USP34: variants seen among roughly 807,000 people sequenced by gnomAD.
USP34 encodes ubiquitin carboxyl-terminal hydrolase 34.
Under a neutral mutation model 460.3 loss-of-function variants are expected in USP34, and 70 were observed. The ratio of observed to expected loss-of-function variants is 0.15; its 90% CI spans 0.13 to 0.19. The LOEUF (loss-of-function observed/expected upper bound fraction) is 0.19. Ranked by LOEUF, USP34 falls within the 10% of genes least tolerant of loss-of-function variation. The probability of loss-of-function intolerance (pLI) is 1.00; values close to 1 mark genes in which losing one functional copy is unlikely to be tolerated. For synonymous variants in USP34, 1,647 were observed against 1,405.3 expected, an observed-to-expected ratio of 1.17 and a Z score of -3.85; for missense variants, 3,985 against 4,236.2, an observed-to-expected ratio of 0.94 and a Z score of 1.65.
At position 61,214,661 on chromosome 2, in the gene USP34, C is replaced by T; in HGVS notation, c.8081G>A (p.Ser2694Asn). 6.2e-7 allele frequency: 1 copy of T among 1,614,134 alleles called. No homozygotes were observed. The highest frequency in any genetic ancestry group is 1.1e-5 in the South Asian group (1 of 91,084). Residue 2694 changes from serine to asparagine, a missense_variant, in exon 68 of 80, where the codon AGC becomes AAC. By Grantham distance (46) the Ser-to-Asn change is conservative. Coordinates refer to ENST00000398571, the MANE Select transcript of USP34 (RefSeq NM_014709.4). ...AAYLLVSLIPSNSFRQMFRST... is the reference protein window; with the variant it reads ...AAYLLVSLIPNNSFRQMFRST... ...CCGGAACATCTGACGGAATGAATTG[C>T]TTGGTATAAGGGACACCAGAAGATA...
At chr2:61,365,377 A>G (rs56155430) in intron 10 of USP34, among the ~76,000 whole-genome samples, 1,623 of 152,258 alleles carry the variant, frequency 0.011, 16 homozygotes, top group Non-Finnish European at 0.018. Context: ...TCAGAACAAA[A>G]CAGAACACAA....
At chr2:61,452,728 A>G (rs1208635445) in intron 1 of USP34, among the ~76,000 whole-genome samples, 7 of 151,998 alleles carry the variant, frequency 4.6e-5, no homozygotes, top group South Asian at 4.1e-4. Flanking sequence ...CACCAAAAAA[A>G]AAAACAAAAG....
At chr2:61,395,299 TATAAAA>T in intron 3 of USP34, 66 bp from the exon 4 acceptor site, 1 of 969,608 alleles carries the variant, frequency 1.0e-6, no homozygotes, top group Non-Finnish European at 1.6e-6. Flanking sequence ...AATACAATTC[TATAAAA>T]GACTGATTTT....
At chr2:61,278,544 T>C in intron 39 of USP34, 101 bp from the exon 40 acceptor site, 1 of 881,674 alleles carries the variant, frequency 1.1e-6, no homozygotes, top group Non-Finnish European at 1.7e-6. Context: ...AATAATTTAG[T>C]TCTCCCAAAT....
rs140821579 is a variant in USP34 at position 61,456,752 on chromosome 2, C to T, written c.43+13898G>A. On this transcript the variant is annotated intron_variant, in intron 1 of 79. Transcript: ENST00000398571. ...AGGATAGTTTGAGCCCAGGAGTTCA[C>T]GACCAGCCTGGGCAACACAGTGGGA... Among the ~76,000 whole-genome samples the T allele has an allele frequency of 5.7e-3, 857 of 150,520 alleles. 8 individuals are homozygous for T. Among genetic ancestry groups the T allele is most frequent in the African/African-American group, 0.019 (780 of 40,958 alleles).
intron 33 of USP34, among the ~76,000 whole-genome samples, chr2:61,290,155 A>G (rs551012800): frequency 1.1e-3 from 166 of 152,292 alleles, no homozygotes; most frequent in African/African-American, 3.1e-3. Flanking sequence ...GTGAGCTAAC[A>G]CTACTATACC....
intron 1 of USP34, among the ~76,000 whole-genome samples, chr2:61,454,040 G>T (rs114711500): frequency 6.6e-6 from 1 of 152,078 alleles, no homozygotes. Context: ...AAGACAGCTA[G>T]ATTTATATAA....
At chr2:61,213,822 G>T (rs535252210) in intron 68 of USP34, among the ~76,000 whole-genome samples, 1 of 152,050 alleles carries the variant, frequency 6.6e-6, no homozygotes, top group African/African-American at 2.4e-5. Context: ...TTAAAAAACA[G>T]GTAAGTTTTA....
At chr2:61,215,338 T>C (rs1372916464) in intron 67 of USP34, among the ~76,000 whole-genome samples, 5 of 152,114 alleles carry the variant, frequency 3.3e-5, no homozygotes, top group Admixed American at 6.6e-5. Context: ...ATTTAAGTTA[T>C]AAAGAAAGAA....
intron 3 of USP34, among the ~76,000 whole-genome samples, chr2:61,398,744 A>C (rs888179591): frequency 1.3e-5 from 2 of 152,226 alleles, no homozygotes; most frequent in African/African-American, 2.4e-5. Context: ...TTTAAGTTAC[A>C]CTGCTGAAAT....
intron 74 of USP34, 76 bp from the exon 75 acceptor site, chr2:61,203,339 T>C (rs1687027593): frequency 7.6e-7 from 1 of 1,310,098 alleles, no homozygotes; most frequent in Non-Finnish European, 9.8e-7. Flanking sequence ...ATGTAATAAG[T>C]TTAACTAAAA....
At chr2:61,308,649 A>C (rs1438118150) in intron 27 of USP34, among the ~76,000 whole-genome samples, 1 of 152,166 alleles carries the variant, frequency 6.6e-6, no homozygotes, top group Non-Finnish European at 1.5e-5. Context: ...TAAACATGTA[A>C]ATACTGAAGC....
chr2:61,385,544 C>T (rs1040983321), intron 5 of USP34, among the ~76,000 whole-genome samples: 14 of 151,496 alleles, frequency 9.2e-5, no homozygotes, highest in Middle Eastern at 3.4e-3. Context: ...TGGTGGCGGG[C>T]GCCTGTAGTC....
rs561711571 is a variant in USP34 at position 61,264,763 on chromosome 2, C to T, written c.5778+634G>A. Among the ~76,000 whole-genome samples the T allele has an allele frequency of 9.0e-4, 137 of 152,036 alleles. 1 individual carries two copies. Among genetic ancestry groups the T allele is most frequent in the African/African-American group, 3.2e-3 (133 of 41,476 alleles). On this transcript the variant is annotated intron_variant, in intron 43 of 79. Coordinates refer to ENST00000398571, the MANE Select transcript of USP34 (RefSeq NM_014709.4). ...AGTTGGCCGGGCATGGTGGCTCACA[C>T]CTGTAATCCCAGGACTTTGGGAAGC...
At chr2:61,432,310 C>CA (rs541279732) in intron 1 of USP34, among the ~76,000 whole-genome samples, 68 of 151,850 alleles carry the variant, frequency 4.5e-4, no homozygotes, top group African/African-American at 9.7e-4. Context: ...CCCATCTCTA[C>CA]AAAAAAAAGA....
At chr2:61,203,974 A>G (rs776269059) in intron 74 of USP34, among the ~76,000 whole-genome samples, 1 of 151,894 alleles carries the variant, frequency 6.6e-6, no homozygotes, top group African/African-American at 2.4e-5. Flanking sequence ...AAATTTAGAT[A>G]TATGACCCAG....
At chr2:61,251,568 A>C (rs926795254) in intron 48 of USP34, among the ~76,000 whole-genome samples, 31 of 152,228 alleles carry the variant, frequency 2.0e-4, no homozygotes, top group Admixed American at 6.5e-5. Context: ...TCCTCTGATT[A>C]TTAGGTAACC....
intron 43 of USP34, among the ~76,000 whole-genome samples, chr2:61,261,570 T>G (rs534139994): frequency 1.7e-4 from 26 of 152,302 alleles, no homozygotes; most frequent in East Asian, 1.3e-3. Context: ...CAAGATGGAA[T>G]GGTGGTGATG....
At chr2:61,349,375 A>T in intron 12 of USP34, 90 bp from the exon 13 acceptor site, 1 of 1,372,976 alleles carries the variant, frequency 7.3e-7, no homozygotes, top group South Asian at 1.3e-5. Flanking sequence ...TACATAATCA[A>T]CAAGATGTAA....
Sources: allele counts gnomAD v4.1 joint callset (sites outside exome capture counted in the v4.1 genomes callset), GRCh38; gene constraint gnomAD v4.1.1; transcripts MANE v1.5; gene names NCBI Gene and HGNC (gene_info 2026-07-23, HGNC 2026-07-21).